The following VPS13D variants were observed in gnomAD, a reference collection of about 807,000 sequenced individuals.
VPS13D encodes the protein intermembrane lipid transfer protein VPS13D.
VPS13D carries 187 observed loss-of-function variants against 461.9 expected under a neutral mutation model. The observed-to-expected ratio is 0.40, with a 90% CI of 0.36 to 0.46. The LOEUF is 0.46. VPS13D is among the 20% of genes least tolerant of loss of function. The probability of loss-of-function intolerance (pLI) is 0.60; values close to 1 mark genes in which losing one functional copy is unlikely to be tolerated. For synonymous variants in VPS13D, 1,951 were observed against 1,986.3 expected, an observed-to-expected ratio of 0.98 and a Z score of 0.47; for missense variants, 4,711 against 5,364.9, an observed-to-expected ratio of 0.88 and a Z score of 3.81.
At chr1:12,301,943 G>T (rs1476632150) in intron 25 of VPS13D, among the ~76,000 whole-genome samples, 2 of 152,186 alleles carry the variant, frequency 1.3e-5, no homozygotes, top group East Asian at 3.8e-4. Context: ...GAAGAATGAT[G>T]CATCCTTAGG....
In VPS13D at chr1:12,292,675, G is replaced by C. The variant is rs114237619; in HGVS notation, c.5853-849G>C. Among the ~76,000 whole-genome samples, 799 of 152,158 alleles carry C rather than the reference G, an allele frequency of 5.3e-3. 10 individuals carry two copies. Among genetic ancestry groups the C allele is most frequent in the African/African-American group, 0.018 (764 of 41,514 alleles). ...GCTGGTCTCAAACTCCTGAACTCAG[G>C]CAGTCTACCGGCCTCGGCCTCCCAA... On this transcript the variant is annotated intron_variant, in intron 23 of 69. Transcript: ENST00000620676.
chr1:12,353,573 G>A (rs1009919898), intron 46 of VPS13D, among the ~76,000 whole-genome samples: 12 of 147,330 alleles, frequency 8.1e-5, no homozygotes, highest in Non-Finnish European at 1.8e-4. Flanking sequence ...ATAAAGAGTA[G>A]TACATACTGC....
intron 65 of VPS13D, among the ~76,000 whole-genome samples, chr1:12,424,101 T>C (rs1644894883): frequency 6.6e-6 from 1 of 152,218 alleles, no homozygotes. Context: ...CTCATAAGCA[T>C]TGGGGTTTTA....
In VPS13D at chr1:12,354,110, C is replaced by G. The variant is rs1454115345; in HGVS notation, c.9568C>G (p.Leu3190Val). The stretch of plus-strand genomic sequence containing the variant: ...GCCAACTGTGGTAATCTGCAACTTG[C>G]TACCCTGTGAACTTGATTTTTATGT... ...LLPTVVICNLLPCELDFYVKG... is the reference protein window; with the variant it reads ...LLPTVVICNLVPCELDFYVKG... The change falls in exon 47 of 70, where the codon CTA becomes GTA. Residue 3190 changes from leucine (L) to valine (V), a missense_variant. Around this residue, in one of 3 missense-constraint regions of VPS13D, gnomAD observed 4,411 missense variants for 4,937.8 expected, o/e 0.89. Transcript: ENST00000620676. The G allele has an allele frequency of 6.2e-7, 1 of 1,614,136 alleles. No individual in the cohort carries two copies. Among genetic ancestry groups the G allele is most frequent in the African/African-American group, 1.3e-5 (1 of 75,028 alleles).
chr1:12,338,209 C>T, intron 39 of VPS13D, 22 bp from the exon 40 acceptor site: 1 of 1,600,974 alleles, frequency 6.2e-7, no homozygotes. Context: ...TAGCCTCTAA[C>T]TTTGTCTCTC....
Position 12,348,964 on chromosome 1 carries a change from G to A in VPS13D, c.9211G>A (p.Ala3071Thr). The A allele has an allele frequency of 6.2e-7, 1 of 1,614,164 alleles. No individual in the cohort carries two copies. The highest frequency in any genetic ancestry group is 8.5e-7 in the Non-Finnish European group (1 of 1,180,024). The change falls in exon 45 of 70, where the codon GCT (alanine) becomes ACT (threonine). Residue 3071 changes from alanine to threonine, a missense_variant. Around this residue, in one of 3 missense-constraint regions of VPS13D, gnomAD observed 4,411 missense variants for 4,937.8 expected, o/e 0.89. Coordinates refer to ENST00000620676, the MANE Select transcript of VPS13D (RefSeq NM_015378.4). ...GGAACTAAGACTGGATAGCCCATCAGCTCCAGACAGTATGTTTTGATTGTC... is the reference window on the plus strand; with the variant it reads ...GGAACTAAGACTGGATAGCCCATCAACTCCAGACAGTATGTTTTGATTGTC... ...PMELRLDSPS[A>T]PDKPVVLPAI...
At chr1:12,374,727 CGTAT>C (rs770748184) in intron 55 of VPS13D, among the ~76,000 whole-genome samples, 1 of 152,002 alleles carries the variant, frequency 6.6e-6, no homozygotes, top group African/African-American at 2.4e-5. Flanking sequence ...TATGTGTATG[CGTAT>C]GTATGTATGT....
chr1:12,407,776 G>A (rs1257097721), intron 63 of VPS13D, among the ~76,000 whole-genome samples: 3 of 151,938 alleles, frequency 2.0e-5, no homozygotes, highest in Non-Finnish European at 4.4e-5. Flanking sequence ...AAAGGTAATA[G>A]TGTCTATGAT....
rs368526598 is a variant in VPS13D at position 12,468,444 on chromosome 1, C to T, written c.12662+8048C>T. Among the ~76,000 whole-genome samples, 4 of 152,286 alleles carry T rather than the reference C, an allele frequency of 2.6e-5. No individual in the cohort carries two copies. In the East Asian group the frequency reaches 5.8e-4, roughly 22 times the overall value. On this transcript the variant is annotated intron_variant, in intron 67 of 69. Coordinates refer to ENST00000620676, the MANE Select transcript of VPS13D (RefSeq NM_015378.4). The stretch of plus-strand genomic sequence containing the variant: ...AGGACCCAGGTTTGAGTTCAGCTCC[C>T]CTGCTCCCAGAGAGCTTTAGACTGT...
chr1:12,312,053 T>C, intron 29 of VPS13D, 128 bp downstream of exon 29: 2 of 599,012 alleles, frequency 3.3e-6, no homozygotes, highest in South Asian at 3.4e-5. Context: ...CAGAGTGTCT[T>C]TTGGTTGATC....
chr1:12,372,800 CT>C (rs764284126), intron 54 of VPS13D, among the ~76,000 whole-genome samples: 3,381 of 126,744 alleles, frequency 0.027, 62 homozygotes, highest in African/African-American at 0.075. Flanking sequence ...AATCCATTAC[CT>C]TTTTTTTTTT....
In VPS13D at chr1:12,282,963, A is replaced by T; in HGVS notation, c.4861A>T (p.Thr1621Ser). 6.2e-7 allele frequency: 1 copy of T among 1,614,068 alleles called. No individual in the cohort carries two copies. The change falls in exon 21 of 70, where the codon ACC becomes TCC. Residue 1621 changes from threonine (T) to serine (S), a missense_variant. This residue lies in a region of VPS13D where 4,411 missense variants were observed against 4,937.8 expected (regional missense o/e 0.89). Transcript: ENST00000620676. ...CAAATCCTTTACTCAGATTCAAGCCACCTTTTGTATATCAGAGCTTCAGGT... is the reference window on the plus strand; with the variant it reads ...CAAATCCTTTACTCAGATTCAAGCCTCCTTTTGTATATCAGAGCTTCAGGT... The part of the protein sequence containing the change: ...EVKSFTQIQA[T>S]FCISELQVQL...
intron 1 of VPS13D, among the ~76,000 whole-genome samples, chr1:12,231,973 C>T (rs1351665900): frequency 1.3e-5 from 2 of 152,018 alleles, no homozygotes; most frequent in South Asian, 2.1e-4. Context: ...CCAGCCTGGG[C>T]GAGGGAGCAA....
At chr1:12,238,496 C>G (rs1244282269) in intron 2 of VPS13D, among the ~76,000 whole-genome samples, 2 of 151,858 alleles carry the variant, frequency 1.3e-5, no homozygotes, top group African/African-American at 2.4e-5. Context: ...TGCTTGTTCT[C>G]TAAGCCTTTT....
intron 68 of VPS13D, among the ~76,000 whole-genome samples, chr1:12,499,138 A>C (rs962218138): frequency 2.6e-5 from 4 of 152,018 alleles, no homozygotes; most frequent in South Asian, 4.2e-4. Flanking sequence ...TGGGGGGTCT[A>C]GAGACCCCCC....
Position 12,333,355 on chromosome 1 carries a change from C to T in VPS13D, c.8417C>T (p.Ser2806Phe). The change falls in exon 38 of 70, where the codon TCT (serine) becomes TTT (phenylalanine). Residue 2806 changes from serine (S) to phenylalanine (F), a missense_variant. Around this residue, in one of 3 missense-constraint regions of VPS13D, gnomAD observed 4,411 missense variants for 4,937.8 expected, o/e 0.89. Coordinates refer to ENST00000620676, the MANE Select transcript of VPS13D (RefSeq NM_015378.4). ...AKPRLDINIT[S>F]VLIDQYVSTK... Reference sequence around the variant, plus strand: ...CCTCGTTTGGATATCAATATCACTTCTGTGCTAATTGGTGAGTAGAAAGTT... The same window carrying T: ...CCTCGTTTGGATATCAATATCACTTTTGTGCTAATTGGTGAGTAGAAAGTT... The T allele has an allele frequency of 6.2e-7, 1 of 1,614,134 alleles. No individual in the cohort carries two copies.
At chr1:12,440,808 A>C (rs1283942256) in intron 65 of VPS13D, among the ~76,000 whole-genome samples, 1 of 149,244 alleles carries the variant, frequency 6.7e-6, no homozygotes, top group Non-Finnish European at 1.5e-5. Flanking sequence ...TCTGGGAGGC[A>C]GAGGTTGCAG....
chr1:12,252,347 C>T (rs1640760480), intron 6 of VPS13D, among the ~76,000 whole-genome samples: 1 of 152,286 alleles, frequency 6.6e-6, no homozygotes, highest in South Asian at 2.1e-4. Flanking sequence ...CTGCCCCCAC[C>T]GCACACATCC....
chr1:12,476,877 C>T (rs1474526832), intron 67 of VPS13D, among the ~76,000 whole-genome samples: 1 of 152,192 alleles, frequency 6.6e-6, no homozygotes, highest in African/African-American at 2.4e-5. Flanking sequence ...ACACAGTAGA[C>T]AAGGAAACCT....
Sources: gnomAD v4.1 joint callset for allele counts (sites outside exome capture counted in the v4.1 genomes callset) on GRCh38, gnomAD v4.1.1 for gene constraint, gnomAD v4.1.1 regional missense constraint, MANE v1.5 for transcripts, NCBI Gene and HGNC (gene_info 2026-07-23, HGNC 2026-07-21) for gene names.